The following PDE3B variants were observed in gnomAD, a reference collection of about 807,000 sequenced individuals.
PDE3B encodes the protein cGMP-inhibited 3',5'-cyclic phosphodiesterase 3B.
A neutral mutation model predicts 116.8 loss-of-function variants in PDE3B; 66 were observed. The ratio of observed to expected loss-of-function variants is 0.56; its 90% CI spans 0.46 to 0.69. PDE3B has a LOEUF of 0.69. Among genes scored for constraint, PDE3B ranks in the 30% least tolerant of loss-of-function variants. The pLI, the probability that PDE3B is intolerant of heterozygous loss-of-function variation, is 0.00. For synonymous variants in PDE3B, 595 were observed against 533.6 expected, an observed-to-expected ratio of 1.12 and a Z score of -1.59; for missense variants, 1,384 against 1,368.1, an observed-to-expected ratio of 1.01 and a Z score of -0.18.
the PDE3B span, among the ~76,000 whole-genome samples, chr11:14,884,057 T>A: frequency 6.6e-6 from 1 of 151,962 alleles, no homozygotes; most frequent in African/African-American, 2.4e-5. Flanking sequence ...ATGTGGAGAA[T>A]TAGGAATACT....
rs763604976 is a variant in PDE3B, at chr11:14,789,131, C to T, written c.1304C>T (p.Thr435Ile). 3 of 1,610,504 alleles carry T rather than the reference C, an allele frequency of 1.9e-6. No individual in the cohort carries two copies. The East Asian group carries it at 6.7e-5, about 36-fold the overall frequency. The change falls in exon 4 of 16, where the codon ACT becomes ATT. Residue 435 changes from threonine (T) to isoleucine (I), a missense_variant. Transcript: ENST00000282096. ...NKGLNRNSLP[T>I]PQLRRSSGTS... ...GGACTAAATAGGAATAGTTTGCCAA[C>T]TCCACAGCTGAGGAGAAGCTCAGGA...
chr11:14,660,243 C>A (rs1853851071), intron 1 of PDE3B, among the ~76,000 whole-genome samples: 1 of 151,702 alleles, frequency 6.6e-6, no homozygotes, highest in Non-Finnish European at 1.5e-5. Flanking sequence ...ATACTGAATG[C>A]CACTAATTTC....
chr11:14,827,333 A>G (rs1859727682), intron 7 of PDE3B, among the ~76,000 whole-genome samples: 1 of 152,156 alleles, frequency 6.6e-6, no homozygotes, highest in East Asian at 1.9e-4. Context: ...ATCAGGAAAG[A>G]GAAAGAAATA....
intron 1 of PDE3B, among the ~76,000 whole-genome samples, chr11:14,678,868 T>A (rs565077529): frequency 3.3e-5 from 5 of 152,312 alleles, no homozygotes; most frequent in Admixed American, 2.6e-4. Flanking sequence ...TTCTTATAAA[T>A]CTTATAAAAA....
At chr11:14,785,257 A>T (rs1330683901) in intron 2 of PDE3B, among the ~76,000 whole-genome samples, 1 of 152,164 alleles carries the variant, frequency 6.6e-6, no homozygotes, top group East Asian at 1.9e-4. Flanking sequence ...TCACAGTAAC[A>T]TATATAGACA....
At chr11:14,667,039 G>A (rs1286165058) in intron 1 of PDE3B, among the ~76,000 whole-genome samples, 2 of 152,094 alleles carry the variant, frequency 1.3e-5, no homozygotes, top group East Asian at 1.9e-4. Flanking sequence ...CAACCCAAAT[G>A]TCCAACAATG....
chr11:14,794,506 G>A (rs903355559), intron 4 of PDE3B, among the ~76,000 whole-genome samples: 2 of 151,940 alleles, frequency 1.3e-5, no homozygotes, highest in Non-Finnish European at 2.9e-5. Flanking sequence ...TAGAGACGGG[G>A]TTTCACCATG....
chr11:14,808,820 C>G (rs185757611), intron 5 of PDE3B, among the ~76,000 whole-genome samples: 40 of 152,178 alleles, frequency 2.6e-4, no homozygotes, highest in Non-Finnish European at 4.9e-4. Context: ...TAGTACAAGA[C>G]TTTTACAATG....
intron 1 of PDE3B, among the ~76,000 whole-genome samples, chr11:14,661,981 C>T (rs2133763714): frequency 6.6e-6 from 1 of 152,270 alleles, no homozygotes; most frequent in South Asian, 2.1e-4. Flanking sequence ...AGCTGGAGAT[C>T]TGAGAACGGG....
intron 1 of PDE3B, among the ~76,000 whole-genome samples, chr11:14,730,442 A>G (rs1037332056): frequency 3.3e-5 from 5 of 152,206 alleles, no homozygotes; most frequent in African/African-American, 9.6e-5. Flanking sequence ...GATAGCATCT[A>G]AGTTCTTTCC....
chr11:14,789,083 A>G (rs200628423), intron 3 of PDE3B, 23 bp from the exon 4 acceptor site: 39 of 1,573,386 alleles, frequency 2.5e-5, no homozygotes, highest in Non-Finnish European at 3.0e-5. Context: ...GACATTTTAA[A>G]CCATTGTTAA....
chr11:14,683,754 A>C (rs1241825910), intron 1 of PDE3B, among the ~76,000 whole-genome samples: 1 of 151,900 alleles, frequency 6.6e-6, no homozygotes, highest in African/African-American at 2.4e-5. Flanking sequence ...TTAAGATAAA[A>C]GCTTAGATGA....
At chr11:14,727,554 TGTTTTGGTAAA>T in intron 1 of PDE3B, among the ~76,000 whole-genome samples, 1 of 152,300 alleles carries the variant, frequency 6.6e-6, no homozygotes, top group East Asian at 1.9e-4. Flanking sequence ...TTTGGTGAAT[TGTTTTGGTAAA>T]GTTAATACTT....
At chr11:14,655,687 G>C (rs1451123742) in intron 1 of PDE3B, among the ~76,000 whole-genome samples, 1 of 152,170 alleles carries the variant, frequency 6.6e-6, no homozygotes, top group Non-Finnish European at 1.5e-5. Context: ...TTTTTCGGGG[G>C]AGTGTATTGG....
chr11:14,720,938 C>T (rs1425085452), intron 1 of PDE3B, among the ~76,000 whole-genome samples: 1 of 112,898 alleles, frequency 8.9e-6, no homozygotes, highest in African/African-American at 3.6e-5. Flanking sequence ...TCTAATTAAA[C>T]TCAAGAGCTT....
chr11:14,649,025 A>G (rs547614669), intron 1 of PDE3B, among the ~76,000 whole-genome samples: 15 of 152,192 alleles, frequency 9.9e-5, no homozygotes, highest in Non-Finnish European at 2.2e-4. Context: ...GACAAACCAT[A>G]TGAAACAGTG....
At chr11:14,758,157 A>C (rs1857251124) in intron 1 of PDE3B, among the ~76,000 whole-genome samples, 1 of 152,032 alleles carries the variant, frequency 6.6e-6, no homozygotes, top group Non-Finnish European at 1.5e-5. Context: ...TTTTCCATTG[A>C]TCTATATCTC....
At chr11:14,751,413 A>G (rs1375032480) in intron 1 of PDE3B, among the ~76,000 whole-genome samples, 1 of 152,200 alleles carries the variant, frequency 6.6e-6, no homozygotes, top group Non-Finnish European at 1.5e-5. Flanking sequence ...GCCATCTAAT[A>G]ATAAATCTTG....
intron 14 of PDE3B, among the ~76,000 whole-genome samples, 166 bp downstream of exon 14, chr11:14,861,532 T>C (rs986321917): frequency 1.3e-5 from 2 of 152,246 alleles, no homozygotes; most frequent in Admixed American, 1.3e-4. Context: ...TTCTGTGTTC[T>C]GTTTGCCTTT....
Sources: gnomAD v4.1 joint callset for allele counts (sites outside exome capture counted in the v4.1 genomes callset) on GRCh38, gnomAD v4.1.1 for gene constraint, MANE v1.5 for transcripts, NCBI Gene and HGNC (gene_info 2026-07-23, HGNC 2026-07-21) for gene names.